Variants in CNTN6 observed in about 807,000 individuals in gnomAD.
CNTN6 encodes contactin 6.
CNTN6 carries 137 observed loss-of-function variants against 122.8 expected under a neutral mutation model. The ratio of observed to expected loss-of-function variants is 1.12; its 90% CI spans 0.97 to 1.29. The LOEUF (loss-of-function observed/expected upper bound fraction) is 1.29. CNTN6 is among the 50% of genes most tolerant of loss of function. CNTN6 has a pLI of 0.00. For missense variants in CNTN6, 1,634 were observed against 1,223.4 expected (o/e 1.34, Z -5.01); for synonymous variants, 570 against 426.0 (o/e 1.34, Z -4.16).
chr3:1,123,507 T>C (rs190039381), intron 1 of CNTN6, among the ~76,000 whole-genome samples: 1 of 152,178 alleles, frequency 6.6e-6, no homozygotes, highest in East Asian at 1.9e-4. Context: ...TGTTTTTTAA[T>C]TTAGTTTATA....
At chr3:1,098,789 C>CATATATAT (rs1169127167) in intron 1 of CNTN6, among the ~76,000 whole-genome samples, 715 of 63,144 alleles carry the variant, frequency 0.011, 12 homozygotes, top group East Asian at 0.039. Flanking sequence ...CACACACACA[C>CATATATAT]ATATATATAT....
At chr3:1,161,214 A>C (rs2093124642) in intron 2 of CNTN6, among the ~76,000 whole-genome samples, 1 of 150,528 alleles carries the variant, frequency 6.6e-6, no homozygotes, top group Non-Finnish European at 1.5e-5. Context: ...AGTGAGAAAT[A>C]GTCTAAGATT....
intron 2 of CNTN6, among the ~76,000 whole-genome samples, chr3:1,168,447 T>C (rs947905977): frequency 2.7e-5 from 4 of 150,078 alleles, no homozygotes; most frequent in Non-Finnish European, 5.9e-5. Context: ...AGAATGTGAC[T>C]AAGGGACCAG....
At chr3:1,164,853 G>C (rs1224966802) in intron 2 of CNTN6, among the ~76,000 whole-genome samples, 1 of 152,176 alleles carries the variant, frequency 6.6e-6, no homozygotes, top group Non-Finnish European at 1.5e-5. Context: ...TAGGGAGCAT[G>C]TTAATTCATG....
intron 1 of CNTN6, among the ~76,000 whole-genome samples, chr3:1,102,103 T>C (rs895108591): frequency 2.0e-5 from 3 of 152,212 alleles, no homozygotes; most frequent in Non-Finnish European, 4.4e-5. Context: ...TTATCATTCA[T>C]GCATGTAAGA....
intron 4 of CNTN6, among the ~76,000 whole-genome samples, chr3:1,241,692 AC>A (rs1399410358): frequency 2.0e-5 from 3 of 152,104 alleles, no homozygotes; most frequent in Non-Finnish European, 2.9e-5. Context: ...GTTGTCATAC[AC>A]CAGGCCAGAT....
At chr3:1,297,638 C>CTTTTTTTTTTTTTTTTTTTT (rs71303106) in intron 6 of CNTN6, among the ~76,000 whole-genome samples, 1 of 138,544 alleles carries the variant, frequency 7.2e-6, no homozygotes, top group Non-Finnish European at 1.6e-5. Context: ...TTGTTTTTTT[C>CTTTTTTTTTTTTTTTTTTTT]TTTTTTTTTT....
chr3:1,324,504 A>C (rs1349841579), intron 8 of CNTN6, among the ~76,000 whole-genome samples: 2 of 149,374 alleles, frequency 1.3e-5, no homozygotes, highest in Non-Finnish European at 2.9e-5. Context: ...TCGTGAGCCT[A>C]CTCAGCATTT....
At position 1,385,607 on chromosome 3, in the gene CNTN6, TC is replaced by T; in HGVS notation, c.2518-3del. The T allele has an allele frequency of 6.3e-7, 1 of 1,577,100 alleles. No homozygotes were observed. Among genetic ancestry groups the T allele is most frequent in the Non-Finnish European group, 8.6e-7 (1 of 1,165,966 alleles). On this transcript the variant is annotated splice_region_variant and splice_polypyrimidine_tract_variant and intron_variant, in intron 19 of 22. Transcript: ENST00000446702. ...AATTGCTTGTTTTGGTTTTTAATTA[TC>T]AGGTCTTATACTGGACAGATGACTC...
At chr3:1,245,237 CACACACACAT>C (rs2094552082) in intron 4 of CNTN6, among the ~76,000 whole-genome samples, 2 of 6,726 alleles carry the variant, frequency 3.0e-4, no homozygotes, top group African/African-American at 1.5e-3. Context: ...TATATATATA[CACACACACAT>C]ATATATATAA....
chr3:1,318,543 G>A (rs1270428023), intron 7 of CNTN6, among the ~76,000 whole-genome samples: 2 of 151,764 alleles, frequency 1.3e-5, no homozygotes, highest in Non-Finnish European at 2.9e-5. Flanking sequence ...TGATTTATTA[G>A]ATGAGTTTTT....
At chr3:1,198,738 A>G (rs1028073742) in intron 2 of CNTN6, among the ~76,000 whole-genome samples, 1 of 151,648 alleles carries the variant, frequency 6.6e-6, no homozygotes, top group Non-Finnish European at 1.5e-5. Context: ...AAAAAAAAAG[A>G]AAGAAAGAAA....
intron 6 of CNTN6, among the ~76,000 whole-genome samples, chr3:1,296,989 AC>A (rs1696344889): frequency 6.6e-6 from 1 of 151,520 alleles, no homozygotes; most frequent in Admixed American, 6.6e-5. Flanking sequence ...TAAAAATCAA[AC>A]CTATTTTAAA....
intron 2 of CNTN6, among the ~76,000 whole-genome samples, chr3:1,153,690 C>T (rs922546975): frequency 1.3e-5 from 2 of 152,174 alleles, no homozygotes; most frequent in Non-Finnish European, 2.9e-5. Context: ...GAATTTCACT[C>T]TATTTCAAAC....
intron 1 of CNTN6, among the ~76,000 whole-genome samples, chr3:1,129,866 ACT>A (rs3043050): frequency 0.27 from 40,548 of 151,726 alleles, 6,468 homozygotes; most frequent in African/African-American, 0.44. Flanking sequence ...TTACATCAAG[ACT>A]CTATTCATTT....
intron 1 of CNTN6, among the ~76,000 whole-genome samples, chr3:1,134,140 G>A (rs540987827): frequency 6.6e-5 from 10 of 152,186 alleles, no homozygotes; most frequent in East Asian, 3.9e-4. Context: ...ACCATATAAC[G>A]TCTATGTGCT....
At chr3:1,292,580 A>T (rs1019062508) in intron 5 of CNTN6, among the ~76,000 whole-genome samples, 1 of 152,148 alleles carries the variant, frequency 6.6e-6, no homozygotes, top group African/African-American at 2.4e-5. Flanking sequence ...TAGTGATTCT[A>T]ATGTACATCA....
intron 8 of CNTN6, among the ~76,000 whole-genome samples, chr3:1,322,211 A>G (rs1700956600): frequency 6.6e-6 from 1 of 151,744 alleles, no homozygotes; most frequent in Non-Finnish European, 1.5e-5. Context: ...AAAAAAATTG[A>G]TAGGAAAAAT....
chr3:1,132,596 G>A (rs2092365415), intron 1 of CNTN6, among the ~76,000 whole-genome samples: 1 of 151,752 alleles, frequency 6.6e-6, no homozygotes, highest in Non-Finnish European at 1.5e-5. Flanking sequence ...GTTCAAGGTT[G>A]CAGTGAGCTG....
Sources: gnomAD v4.1 joint callset for allele counts (sites outside exome capture counted in the v4.1 genomes callset) on GRCh38, gnomAD v4.1.1 for gene constraint, MANE v1.5 for transcripts, NCBI Gene and HGNC (gene_info 2026-07-23, HGNC 2026-07-21) for gene names.